The following HUS1 variants were observed in gnomAD, a reference collection of about 807,000 sequenced individuals.
HUS1 encodes the protein HUS1 checkpoint clamp component, also known as checkpoint protein HUS1.
A neutral mutation model predicts 32.6 loss-of-function variants in HUS1; 31 were observed. The ratio of observed to expected loss-of-function variants is 0.95; its 90% CI spans 0.72 to 1.28. The LOEUF (loss-of-function observed/expected upper bound fraction) is 1.28. HUS1 is among the 50% of genes most tolerant of loss of function. The probability of loss-of-function intolerance (pLI) is 0.00; values close to 1 mark genes in which losing one functional copy is unlikely to be tolerated. For synonymous variants in HUS1, 123 were observed against 116.6 expected, an observed-to-expected ratio of 1.06 and a Z score of -0.36; for missense variants, 340 against 337.7, an observed-to-expected ratio of 1.01 and a Z score of -0.05.
At chr7:47,973,096 A>G (rs991222755) in intron 5 of HUS1, among the ~76,000 whole-genome samples, 3 of 152,316 alleles carry the variant, frequency 2.0e-5, no homozygotes, top group African/African-American at 4.8e-5. Context: ...TCCAGCTGCC[A>G]TGTTAAGACG....
Position 47,979,456 on chromosome 7 carries a change from C to G in HUS1, c.52+12G>C. ...CGTTCCTCCCTCGCTCCTCTCCGGC[C>G]TCCCTGCTCACGTGTGAAGTGGTTC... On this transcript the variant is annotated intron_variant, in intron 1 of 7. Transcript: ENST00000258774. 2.5e-6 allele frequency: 4 copies of G among 1,613,552 alleles called. No homozygotes were observed. Among genetic ancestry groups the G allele is most frequent in the Non-Finnish European group, 3.4e-6 (4 of 1,179,914 alleles).
chr7:47,969,987 A>G (rs936802455), intron 5 of HUS1, among the ~76,000 whole-genome samples: 4 of 151,950 alleles, frequency 2.6e-5, no homozygotes, highest in Admixed American at 6.6e-5. Flanking sequence ...TAATCCCAGC[A>G]CTTTGGGAGG....
Position 47,978,287 on chromosome 7 carries a change from G to C in HUS1, c.357+130C>G, listed in dbSNP as rs1022918677. ...GACTCTAATGCAAAATATAGTTATG[G>C]ACCAGATCTTTAAATTTAAATAAAC... is the stretch of plus-strand genomic sequence containing the variant. On this transcript the variant is annotated intron_variant, in intron 3 of 7. Transcript: ENST00000258774. 3.9e-6 allele frequency: 3 copies of C among 773,940 alleles called. No homozygotes were observed. The African/African-American group carries it at 5.2e-5, about 13-fold the overall frequency. The allele number at this position is 773,940 out of a possible 1,614,324, so 47.9% of individuals were successfully genotyped here.
At chr7:47,974,888 G>T (rs1487724761) in intron 5 of HUS1, among the ~76,000 whole-genome samples, 1 of 152,150 alleles carries the variant, frequency 6.6e-6, no homozygotes, top group Non-Finnish European at 1.5e-5. Flanking sequence ...TGGAATAAAG[G>T]CTGCTATGGT....
intron 3 of HUS1, 150 bp downstream of exon 3, chr7:47,978,267 T>C: frequency 1.6e-6 from 1 of 639,338 alleles, no homozygotes; most frequent in Non-Finnish European, 2.6e-6. Flanking sequence ...GAACTGACTC[T>C]AATGCAAAAT....
chr7:47,975,317 C>CAAA (rs199919857), intron 5 of HUS1, among the ~76,000 whole-genome samples: 3 of 60,990 alleles, frequency 4.9e-5, no homozygotes, highest in African/African-American at 5.7e-5. Context: ...GACTCTGTCT[C>CAAA]AAAAAAAAAA....
At position 47,964,184 on chromosome 7, in the gene HUS1, G is replaced by C. The variant is rs963986218; in HGVS notation, c.*1172C>G. The C allele has an allele frequency of 2.0e-5, 3 of 152,264 alleles. No homozygotes were observed. Among genetic ancestry groups the C allele is most frequent in the African/African-American group, 7.2e-5 (3 of 41,458 alleles). 9.4% of individuals were successfully genotyped at this position (152,264 alleles called of 1,614,324 possible). A position where few individuals can be genotyped will look rare whatever the true frequency, so the allele number is the denominator to read the frequency against. On this transcript the variant is annotated 3_prime_UTR_variant, in exon 8 of 8. Transcript: ENST00000258774. ...GCTTGAGCCCAGGAGTTCAAGACCA[G>C]CCTGGACAACACAGTGAGACCCTGT...
chr7:47,971,243 T>A, intron 5 of HUS1: 1 of 237,622 alleles, frequency 4.2e-6, no homozygotes, highest in Non-Finnish European at 8.6e-6. Context: ...AGCCATTTAT[T>A]TAGAAAATAA....
At chr7:47,979,010 GCACACATCATCAGTGTT>G (rs967408707) in intron 1 of HUS1, 194 bp from the exon 2 acceptor site, 7 of 593,928 alleles carry the variant, frequency 1.2e-5, no homozygotes, top group African/African-American at 7.5e-5. Flanking sequence ...GAGATGTACA[GCACACATCATCAGTGTT>G]CAAATAAGAA....
intron 6 of HUS1, among the ~76,000 whole-genome samples, chr7:47,968,203 T>C (rs2686839): frequency 0.47 from 70,866 of 151,794 alleles, 17,133 homozygotes; most frequent in East Asian, 0.54. Context: ...TATTTGTACT[T>C]ACTATGTATT....
intron 5 of HUS1, among the ~76,000 whole-genome samples, chr7:47,972,868 A>C (rs962752974): frequency 5.9e-5 from 9 of 152,122 alleles, no homozygotes; most frequent in Non-Finnish European, 1.0e-4. Flanking sequence ...ATAACATTTG[A>C]AGTACAATAT....
rs1242966084 is a variant in HUS1, at chr7:47,964,589, T to C, written c.*767A>G. Reference sequence around the variant, plus strand: ...CCTTAGAAGTTTCGTTTGTTTCTACTCTAAATAGAAGGGTCTTCTTTCCAG... The same window carrying C: ...CCTTAGAAGTTTCGTTTGTTTCTACCCTAAATAGAAGGGTCTTCTTTCCAG... On this transcript the variant is annotated 3_prime_UTR_variant, in exon 8 of 8. Transcript: ENST00000258774. The C allele has an allele frequency of 6.6e-6, 1 of 152,206 alleles. No homozygotes were observed. The allele number at this position is 152,206 out of a possible 1,614,324, so 9.4% of individuals were successfully genotyped here.
intron 1 of HUS1, among the ~76,000 whole-genome samples, chr7:47,979,110 A>T (rs3176498): frequency 1.3e-5 from 2 of 152,082 alleles, no homozygotes; most frequent in African/African-American, 4.8e-5. Context: ...TACACAGTTA[A>T]ATGCAAGGTT....
intron 3 of HUS1, among the ~76,000 whole-genome samples, chr7:47,977,335 G>A (rs1030753878): frequency 2.6e-5 from 4 of 152,132 alleles, no homozygotes; most frequent in African/African-American, 7.2e-5. Flanking sequence ...CTATGTTGAC[G>A]CAACCAAGAG....
chr7:47,966,397 CTTGGCTTAG>C (rs1788478995), intron 7 of HUS1, among the ~76,000 whole-genome samples: 1 of 152,214 alleles, frequency 6.6e-6, no homozygotes, highest in Non-Finnish European at 1.5e-5. Flanking sequence ...TGGGAAGACA[CTTGGCTTAG>C]TCAACCACCT....
chr7:47,971,653 A>C (rs556325703), intron 5 of HUS1: 36 of 435,890 alleles, frequency 8.3e-5, no homozygotes, highest in Non-Finnish European at 1.3e-4. Context: ...ATATCTGCCC[A>C]ATGTTAAAGC....
chr7:47,969,829 T>A (rs540258525), intron 5 of HUS1, among the ~76,000 whole-genome samples: 1 of 152,174 alleles, frequency 6.6e-6, no homozygotes, highest in East Asian at 1.9e-4. Context: ...GTGGTGAGGA[T>A]GCATGTTTTA....
intron 6 of HUS1, among the ~76,000 whole-genome samples, chr7:47,968,278 AAAAAG>A (rs1375450246): frequency 3.9e-5 from 6 of 152,332 alleles, no homozygotes; most frequent in South Asian, 2.1e-4. Flanking sequence ...AATTAAAAAA[AAAAAG>A]AAAACATCCT....
At chr7:47,972,497 C>T (rs1788618860) in intron 5 of HUS1, among the ~76,000 whole-genome samples, 1 of 152,164 alleles carries the variant, frequency 6.6e-6, no homozygotes, top group Non-Finnish European at 1.5e-5. Context: ...TCACTCATGT[C>T]TATTTTAAGA....
Sources: allele counts gnomAD v4.1 joint callset (sites outside exome capture counted in the v4.1 genomes callset), GRCh38; gene constraint gnomAD v4.1.1; transcripts MANE v1.5; gene names NCBI Gene and HGNC (gene_info 2026-07-23, HGNC 2026-07-21).